Variants in IQGAP3 observed in about 807,000 individuals in gnomAD.
IQGAP3 encodes ras GTPase-activating-like protein IQGAP3.
A neutral mutation model predicts 208.2 loss-of-function variants in IQGAP3; 165 were observed. That is an observed-to-expected ratio of 0.79 (90% confidence interval 0.70 to 0.90). The LOEUF is 0.90. IQGAP3 is among the 40% of genes least tolerant of loss of function. The pLI is 0.00. For synonymous variants in IQGAP3, 703 were observed against 803.6 expected (o/e 0.87, Z 2.12); for missense variants, 1,811 against 2,043.1 (o/e 0.89, Z 2.19).
At chr1:156,540,670 G>A (rs1674933032) in intron 23 of IQGAP3, 38 bp downstream of exon 23, 8 of 1,549,226 alleles carry the variant, frequency 5.2e-6, no homozygotes, top group African/African-American at 1.4e-5. Context: ...CCAGAGGCAG[G>A]CAGATCTCGG....
At chr1:156,533,588 T>G (rs1479656739) in intron 31 of IQGAP3, among the ~76,000 whole-genome samples, 185 bp downstream of exon 31, 1 of 152,172 alleles carries the variant, frequency 6.6e-6, no homozygotes, top group African/African-American at 2.4e-5. Flanking sequence ...CTCTACTGTC[T>G]GTCTACCTTC....
intron 15 of IQGAP3, among the ~76,000 whole-genome samples, chr1:156,551,489 CTG>C (rs1479375327): frequency 6.6e-6 from 1 of 152,202 alleles, no homozygotes; most frequent in Non-Finnish European, 1.5e-5. Context: ...GAAATCCAGC[CTG>C]TTTCTCTGGC....
Position 156,531,894 on chromosome 1 carries a change from C to T in IQGAP3, c.4104-647G>A, listed in dbSNP as rs139282512. ...TGCTGAGATTACAGACATGAGCCACCGCACCTGGCCAGCTCACTTGTTTAT... is the reference window on the plus strand; with the variant it reads ...TGCTGAGATTACAGACATGAGCCACTGCACCTGGCCAGCTCACTTGTTTAT... On this transcript the variant is annotated intron_variant, in intron 32 of 37. Transcript: ENST00000361170. 7.3e-3 allele frequency among the ~76,000 whole-genome samples: 1,106 copies of T among 151,972 alleles called. 5 individuals carry two copies. The highest frequency in any genetic ancestry group is 0.012 in the Non-Finnish European group (822 of 67,956).
intron 1 of IQGAP3, 36 bp from the exon 2 acceptor site, chr1:156,569,499 G>T: frequency 2.1e-6 from 2 of 970,936 alleles, no homozygotes; most frequent in Non-Finnish European, 3.2e-6. Context: ...AATGAAGAGA[G>T]CATTAGAGGT....
chr1:156,537,421 A>C (rs1674744040), intron 26 of IQGAP3, 100 bp from the exon 27 acceptor site: 2,307 of 1,164,218 alleles, frequency 2.0e-3, no homozygotes, highest in Non-Finnish European at 2.4e-3. Context: ...ACAAGATCTC[A>C]TACAGATGTG....
chr1:156,559,890 GGGA>G (rs1676066606), intron 11 of IQGAP3, among the ~76,000 whole-genome samples: 1 of 152,200 alleles, frequency 6.6e-6, no homozygotes, highest in Admixed American at 6.5e-5. Context: ...TGTTCAACAA[GGGA>G]GATAAGATCA....
At chr1:156,547,384 C>G (rs370755586) in intron 19 of IQGAP3, among the ~76,000 whole-genome samples, 39 of 96,362 alleles carry the variant, frequency 4.0e-4, no homozygotes, top group African/African-American at 1.7e-3. Flanking sequence ...GACACAGACA[C>G]ACAGACACAC....
At chr1:156,555,511 C>A (rs77837384) in intron 12 of IQGAP3, among the ~76,000 whole-genome samples, 3,464 of 152,274 alleles carry the variant, frequency 0.023, 122 homozygotes, top group African/African-American at 0.079. Flanking sequence ...TAGGCATGAA[C>A]CCCCACACCC....
Position 156,561,014 on chromosome 1 carries a change from C to T in IQGAP3, c.1049G>A (p.Gly350Asp), listed in dbSNP as rs373379201. Residue 350 changes from glycine to aspartate, a missense_variant, in exon 11 of 38, where the codon GGC becomes GAC. Transcript: ENST00000361170. ...CTCCTTTTCCAGAAGCTCCACCAGGCCCAGCTCCTAAGAGAGGGAAGAGAT... is the reference window on the plus strand; with the variant it reads ...CTCCTTTTCCAGAAGCTCCACCAGGTCCAGCTCCTAAGAGAGGGAAGAGAT... ...SDREQKAQEL[G>D]LVELLEKEEV... 3.7e-5 allele frequency: 59 copies of T among 1,612,802 alleles called. No homozygotes were observed. Among genetic ancestry groups the T allele is most frequent in the Non-Finnish European group, 4.5e-5 (53 of 1,179,102 alleles).
chr1:156,567,811 A>G (rs1676476530), intron 2 of IQGAP3, among the ~76,000 whole-genome samples: 1 of 152,232 alleles, frequency 6.6e-6, no homozygotes, highest in South Asian at 2.1e-4. Flanking sequence ...GAGTAACCGA[A>G]TAGTCCTAAG....
At chr1:156,564,980 T>C (rs896340628) in intron 4 of IQGAP3, among the ~76,000 whole-genome samples, 2 of 152,062 alleles carry the variant, frequency 1.3e-5, no homozygotes, top group African/African-American at 4.8e-5. Context: ...ATATAAGCCA[T>C]ATCCTCCAAA....
rs186546943 is a variant in IQGAP3, at chr1:156,563,333, A to T, written c.620-21T>A. ...ATGGACTGGGAGAGGGCATGGAAAC[A>T]AGGTCAGGAGGCCAGAGTGAATCCC... On this transcript the variant is annotated intron_variant, in intron 7 of 37. Coordinates refer to ENST00000361170, the MANE Select transcript of IQGAP3 (RefSeq NM_178229.5). 675 of 1,571,870 alleles carry T rather than the reference A, an allele frequency of 4.3e-4. 3 individuals are homozygous for T. The African/African-American group carries it at 8.7e-3, about 20-fold the overall frequency.
intron 2 of IQGAP3, among the ~76,000 whole-genome samples, chr1:156,569,155 C>T (rs1676528122): frequency 6.6e-6 from 1 of 151,438 alleles, no homozygotes; most frequent in South Asian, 2.1e-4. Flanking sequence ...GCTATATAAG[C>T]GAACGTCCAC....
At position 156,539,005 on chromosome 1, in the gene IQGAP3, C is replaced by T. The variant is rs200688990; in HGVS notation, c.3085G>A (p.Val1029Met). 5.3e-5 allele frequency: 85 copies of T among 1,613,982 alleles called. No individual in the cohort carries two copies. The highest frequency in any genetic ancestry group is 3.3e-4 in the Middle Eastern group (2 of 6,084). ...CTCACCACTGTTGGGTTGCCTGTCA[C>T]CACGTCCTGGGGCTGCTCCACCTTT... ...KSKVEQPQDV[V>M]TGNPTVVRLV... The change falls in exon 26 of 38, where the codon GTG becomes ATG. Residue 1029 changes from valine (V) to methionine (M), a missense_variant. Transcript: ENST00000361170.
chr1:156,557,991 C>T (rs1477756806), intron 11 of IQGAP3, among the ~76,000 whole-genome samples: 1 of 9,724 alleles, frequency 1.0e-4, no homozygotes, highest in Admixed American at 1.1e-3. Flanking sequence ...GGGTCAGCCC[C>T]CCGCCCGGCC....
intron 1 of IQGAP3, among the ~76,000 whole-genome samples, 167 bp downstream of exon 1, chr1:156,572,326 T>C (rs1676681794): frequency 6.6e-6 from 1 of 152,198 alleles, no homozygotes; most frequent in Non-Finnish European, 1.5e-5. Flanking sequence ...ACAGTTCCAC[T>C]CGGGCCCACG....
chr1:156,528,425 T>C, intron 36 of IQGAP3, 84 bp downstream of exon 36: 1 of 959,658 alleles, frequency 1.0e-6, no homozygotes, highest in Non-Finnish European at 1.6e-6. Flanking sequence ...GCTTCTTCTC[T>C]TCCACCCGGT....
At chr1:156,550,198 G>A (rs1383493949) in intron 16 of IQGAP3, 63 bp downstream of exon 16, 5 of 1,160,346 alleles carry the variant, frequency 4.3e-6, no homozygotes, top group South Asian at 3.8e-5. Context: ...TGATTATCTG[G>A]GCTGCTGCTG....
At chr1:156,535,128 G>A (rs1674629129) in intron 28 of IQGAP3, 35 bp downstream of exon 28, 1 of 1,453,498 alleles carries the variant, frequency 6.9e-7, no homozygotes, top group Non-Finnish European at 9.7e-7. Flanking sequence ...AGCAAAGGAG[G>A]GATTGGGAGG....
Sources: allele counts gnomAD v4.1 joint callset (sites outside exome capture counted in the v4.1 genomes callset), GRCh38; gene constraint gnomAD v4.1.1; transcripts MANE v1.5; gene names NCBI Gene and HGNC (gene_info 2026-07-23, HGNC 2026-07-21).